TSNARE1: variants seen among roughly 807,000 people sequenced by gnomAD.
TSNARE1 encodes the protein t-SNARE domain containing 1, also known as t-SNARE domain-containing protein 1.
TSNARE1 carries 49 observed loss-of-function variants against 62.0 expected under a neutral mutation model. The observed-to-expected ratio is 0.79, with a 90% CI of 0.63 to 1.00. The LOEUF is 1.00. Among genes scored for constraint, TSNARE1 ranks in the 50% least tolerant of loss-of-function variants. The pLI is 0.00. For synonymous variants in TSNARE1, 328 were observed against 294.4 expected, an observed-to-expected ratio of 1.11 and a Z score of -1.17; for missense variants, 755 against 700.1, an observed-to-expected ratio of 1.08 and a Z score of -0.88.
At chr8:142,269,414 A>G (rs1419726138) in intron 12 of TSNARE1, 2 of 985,064 alleles carry the variant, frequency 2.0e-6, no homozygotes, top group Non-Finnish European at 2.4e-6. Context: ...GGCTGTGTCC[A>G]GGTTAAGACT....
chr8:142,275,559 ACATGCCACCTGGGCACCAGGAG>A (rs1820329659), intron 11 of TSNARE1: 7 of 985,440 alleles, frequency 7.1e-6, no homozygotes, highest in Non-Finnish European at 8.4e-6. Flanking sequence ...AAGGAAGGAC[ACATGCCACCTGGGCACCAGGAG>A]CGCAGGCACA....
chr8:142,293,396 C>T (rs528393839), intron 10 of TSNARE1, among the ~76,000 whole-genome samples: 1 of 152,360 alleles, frequency 6.6e-6, no homozygotes, highest in Admixed American at 6.5e-5. Context: ...CACCTCCTGG[C>T]GCGGGTTCTT....
At position 142,288,901 on chromosome 8, in the gene TSNARE1, C is replaced by A. The variant is rs560364612; in HGVS notation, c.1291-4416G>T. On this transcript the variant is annotated intron_variant, in intron 10 of 13. Coordinates refer to ENST00000524325, the MANE Select transcript of TSNARE1 (RefSeq NM_145003.5). ...TGAGAGGGGACCATGGCTCCTAGCA[C>A]CATGGGCTCATGCGTCCCAGCTTCA... 8.5e-5 allele frequency among the ~76,000 whole-genome samples: 13 copies of A among 152,374 alleles called. No homozygotes were observed. In the South Asian group the frequency reaches 2.7e-3, roughly 32 times the overall value.
chr8:142,332,258 G>A (rs1831162259), intron 4 of TSNARE1, among the ~76,000 whole-genome samples: 1 of 152,204 alleles, frequency 6.6e-6, no homozygotes, highest in African/African-American at 2.4e-5. Flanking sequence ...CAGAAACACT[G>A]GTTTCCGCAC....
chr8:142,376,448 G>A (rs530578359), intron 1 of TSNARE1, among the ~76,000 whole-genome samples: 1 of 152,322 alleles, frequency 6.6e-6, no homozygotes, highest in East Asian at 1.9e-4. Context: ...TCAGTGGGAT[G>A]AGTGCCCTTG....
chr8:142,236,569 C>T (rs1303624288), intron 12 of TSNARE1, among the ~76,000 whole-genome samples: 1 of 151,464 alleles, frequency 6.6e-6, no homozygotes, highest in East Asian at 2.0e-4. Context: ...CCCCAGGCCT[C>T]CTTACACTGG....
chr8:142,311,651 G>T (rs1341040134), intron 9 of TSNARE1, among the ~76,000 whole-genome samples: 4 of 152,106 alleles, frequency 2.6e-5, no homozygotes, highest in African/African-American at 9.7e-5. Context: ...TTGAATCTGT[G>T]ACTTGAAGTA....
At position 142,222,264 on chromosome 8, in the gene TSNARE1, ACTCACTCACTCATCCACTCATTCACT is replaced by A. The variant is rs1447776352; in HGVS notation, c.*11+7183_*11+7208del. Among the ~76,000 whole-genome samples, 6 of 19,618 alleles carry A rather than the reference ACTCACTCACTCATCCACTCATTCACT, an allele frequency of 3.1e-4. 2 individuals carry two copies. The highest frequency in any genetic ancestry group is 8.4e-4 in the Non-Finnish European group (6 of 7,168). 12.9% of individuals were successfully genotyped at this position (19,618 alleles called of 152,430 possible). ...CACTCACTCACTCATCCACTCATCC[ACTCACTCACTCATCCACTCATTCACT>A]CTCACTCATTCACTCACTCACTCAT... On this transcript the variant is annotated intron_variant, in intron 13 of 13. Transcript: ENST00000524325.
chr8:142,281,665 C>T (rs1389045230), intron 11 of TSNARE1, among the ~76,000 whole-genome samples: 1 of 152,028 alleles, frequency 6.6e-6, no homozygotes, highest in Admixed American at 6.5e-5. Flanking sequence ...TGGTGAGGAC[C>T]TCTCTAGGGA....
chr8:142,285,126 T>C (rs780257358), intron 10 of TSNARE1, among the ~76,000 whole-genome samples: 7 of 151,724 alleles, frequency 4.6e-5, no homozygotes, highest in Admixed American at 3.9e-4. Context: ...GGTGGACAAA[T>C]GGAATGGTGG....
At chr8:142,401,689 G>C (rs1838304470) in intron 1 of TSNARE1, among the ~76,000 whole-genome samples, 1 of 152,148 alleles carries the variant, frequency 6.6e-6, no homozygotes, top group Non-Finnish European at 1.5e-5. Context: ...ATGGGGCCAG[G>C]CCAGCAGAGG....
chr8:142,269,738 C>G (rs1025544395), intron 12 of TSNARE1: 1 of 984,780 alleles, frequency 1.0e-6, no homozygotes, highest in Admixed American at 6.2e-5. Flanking sequence ...GGCCAGCTTT[C>G]CCAGGGTGGA....
At chr8:142,250,289 T>C (rs1313753007) in intron 12 of TSNARE1, among the ~76,000 whole-genome samples, 1 of 152,126 alleles carries the variant, frequency 6.6e-6, no homozygotes, top group Non-Finnish European at 1.5e-5. Flanking sequence ...GGGGAGCTCT[T>C]CACCAGGCTA....
At chr8:142,256,204 ACT>A (rs1563782353) in intron 12 of TSNARE1, among the ~76,000 whole-genome samples, 6 of 97,258 alleles carry the variant, frequency 6.2e-5, no homozygotes, top group African/African-American at 2.3e-4. Flanking sequence ...CACCACCACC[ACT>A]GTCACCATCA....
chr8:142,272,229 C>T (rs1819648783), intron 12 of TSNARE1, among the ~76,000 whole-genome samples: 1 of 152,018 alleles, frequency 6.6e-6, no homozygotes, highest in Non-Finnish European at 1.5e-5. Flanking sequence ...TCTACTCCTT[C>T]CTCCTTCCAT....
chr8:142,255,460 AT>A (rs1563780529), intron 12 of TSNARE1, among the ~76,000 whole-genome samples: 2 of 77,668 alleles, frequency 2.6e-5, no homozygotes, highest in African/African-American at 7.0e-5. Context: ...CACCATCACC[AT>A]CACCATCACC....
chr8:142,267,795 T>TG (rs1315896707), intron 12 of TSNARE1, among the ~76,000 whole-genome samples: 2 of 152,202 alleles, frequency 1.3e-5, no homozygotes, highest in African/African-American at 2.4e-5. Context: ...TTGGGCTGCC[T>TG]GGGGGATGGA....
chr8:142,224,066 C>G (rs984671367), intron 13 of TSNARE1, among the ~76,000 whole-genome samples: 2 of 152,242 alleles, frequency 1.3e-5, no homozygotes, highest in African/African-American at 4.8e-5. Flanking sequence ...AAGCATCCTC[C>G]TCATCCTGGT....
intron 4 of TSNARE1, among the ~76,000 whole-genome samples, chr8:142,339,233 C>T (rs1265912953): frequency 1.3e-5 from 2 of 152,094 alleles, no homozygotes; most frequent in African/African-American, 4.8e-5. Flanking sequence ...TGATCACTTC[C>T]CCAGCTGGCC....
Sources: allele counts gnomAD v4.1 joint callset (sites outside exome capture counted in the v4.1 genomes callset), GRCh38; gene constraint gnomAD v4.1.1; transcripts MANE v1.5; gene names NCBI Gene and HGNC (gene_info 2026-07-23, HGNC 2026-07-21).